PARVA: variants seen among roughly 807,000 people sequenced by gnomAD.
PARVA encodes alpha-parvin.
In PARVA, 25 loss-of-function variants were observed where a neutral mutation model predicts 52.6. The observed-to-expected ratio is 0.48, with a 90% CI of 0.35 to 0.66. PARVA has a LOEUF of 0.66. Ranked by LOEUF, PARVA falls within the 30% of genes least tolerant of loss-of-function variation. The pLI, the probability that PARVA is intolerant of heterozygous loss-of-function variation, is 0.01. For missense variants in PARVA, 373 were observed against 450.9 expected, an observed-to-expected ratio of 0.83 and a Z score of 1.56; for synonymous variants, 185 against 179.1, an observed-to-expected ratio of 1.03 and a Z score of -0.26.
chr11:12,392,449 A>G (rs1939673347), intron 1 of PARVA, among the ~76,000 whole-genome samples: 1 of 152,018 alleles, frequency 6.6e-6, no homozygotes. Context: ...TTGTATTTTT[A>G]GTAGAGACGG....
In PARVA at chr11:12,463,751, TCTG is replaced by T. The variant is rs1226437680; in HGVS notation, c.137-9992_137-9990del. Among the ~76,000 whole-genome samples, 3 of 152,194 alleles carry T rather than the reference TCTG, an allele frequency of 2.0e-5. 1 individual carries two copies. The South Asian group carries it at 6.2e-4, about 31-fold the overall frequency. On this transcript the variant is annotated intron_variant, in intron 1 of 12. Coordinates refer to ENST00000334956, the MANE Select transcript of PARVA (RefSeq NM_018222.5). ...CAGAGGATCTATGAAAATTTGAAAT[TCTG>T]CACAGATTAGTTTCTTCTCTTCCAT...
At chr11:12,516,377 T>A in intron 10 of PARVA, among the ~76,000 whole-genome samples, 1 of 152,156 alleles carries the variant, frequency 6.6e-6, no homozygotes, top group South Asian at 2.1e-4. Flanking sequence ...GACCTCTATG[T>A]CTTTGCTAGG....
intron 1 of PARVA, among the ~76,000 whole-genome samples, chr11:12,401,444 A>T (rs780020922): frequency 1.3e-5 from 2 of 152,148 alleles, no homozygotes; most frequent in Non-Finnish European, 2.9e-5. Context: ...TTTTTTGCCA[A>T]TGGGATCCTG....
chr11:12,448,164 T>C (rs1940573306), intron 1 of PARVA, among the ~76,000 whole-genome samples: 4 of 152,134 alleles, frequency 2.6e-5, no homozygotes, highest in Non-Finnish European at 5.9e-5. Flanking sequence ...AACTCAGAGA[T>C]TTTGGTCGTG....
At position 12,517,584 on chromosome 11, in the gene PARVA, G is replaced by A. The variant is rs1027107883; in HGVS notation, c.868-26G>A. The A allele has an allele frequency of 3.3e-6, 5 of 1,524,644 alleles. No homozygotes were observed. The African/African-American group carries it at 5.5e-5, about 17-fold the overall frequency. The allele number at this position is 1,524,644 out of a possible 1,614,324, so 94.4% of individuals were successfully genotyped here. On this transcript the variant is annotated intron_variant, in intron 10 of 12. Transcript: ENST00000334956. ...GATTGGCTGGGAGGCTCAGGGGCCA[G>A]TGCCATCACCTGGCTCTTCCTCCAG...
Position 12,428,303 on chromosome 11 carries a change from A to G in PARVA, c.137-45442A>G, listed in dbSNP as rs1008531572. 4.6e-5 allele frequency among the ~76,000 whole-genome samples: 7 copies of G among 152,282 alleles called. 1 individual carries two copies. The highest frequency in any genetic ancestry group is 1.7e-4 in the African/African-American group (7 of 41,558). Reference sequence around the variant, plus strand: ...CACTTCAGCTTCCTTTTCCATATAGAGTCTCTCATATGAAAGGAGGGAAGG... The same window carrying G: ...CACTTCAGCTTCCTTTTCCATATAGGGTCTCTCATATGAAAGGAGGGAAGG... On this transcript the variant is annotated intron_variant, in intron 1 of 12. Coordinates refer to ENST00000334956, the MANE Select transcript of PARVA (RefSeq NM_018222.5).
At chr11:12,445,521 G>A (rs1940532199) in intron 1 of PARVA, among the ~76,000 whole-genome samples, 1 of 148,156 alleles carries the variant, frequency 6.7e-6, no homozygotes, top group African/African-American at 2.4e-5. Flanking sequence ...GAAACATGGA[G>A]AGGGGAACAA....
At chr11:12,458,795 G>C (rs1392830729) in intron 1 of PARVA, among the ~76,000 whole-genome samples, 1 of 149,442 alleles carries the variant, frequency 6.7e-6, no homozygotes, top group Non-Finnish European at 1.5e-5. Context: ...TGGAAGTGTG[G>C]AGAGAGAGAA....
rs1241239885 is a variant in PARVA at position 12,534,821 on chromosome 11, TGCCCTTG to T, written c.*6899_*6905del. Among the ~76,000 whole-genome samples the T allele has an allele frequency of 1.3e-5, 2 of 152,254 alleles. No homozygotes were observed. Among genetic ancestry groups the T allele is most frequent in the Non-Finnish European group, 2.9e-5 (2 of 68,050 alleles). ...CGCCTGCCTGGAGAAACACAGTGCC[TGCCCTTG>T]GCAAATATATGTTGGTGTATCTGAA... On this transcript the variant is annotated 3_prime_UTR_variant, in exon 13 of 13. Transcript: ENST00000334956.
intron 8 of PARVA, 33 bp from the exon 9 acceptor site, chr11:12,513,266 T>A (rs1442911597): frequency 6.2e-7 from 1 of 1,608,712 alleles, no homozygotes; most frequent in African/African-American, 1.3e-5. Context: ...GGATCAGCTC[T>A]TGTGCTCCAC....
chr11:12,526,759 G>A (rs768701036), intron 12 of PARVA, among the ~76,000 whole-genome samples: 11 of 151,884 alleles, frequency 7.2e-5, no homozygotes, highest in South Asian at 2.1e-4. Flanking sequence ...AATAGTAGAC[G>A]GAGTTCCATT....
chr11:12,421,574 GC>G (rs752062970), intron 1 of PARVA, among the ~76,000 whole-genome samples: 12 of 152,202 alleles, frequency 7.9e-5, no homozygotes, highest in Non-Finnish European at 1.6e-4. Flanking sequence ...TCTGTCAGCT[GC>G]CCACATGGTG....
chr11:12,508,008 G>A (rs1036560482), intron 6 of PARVA, among the ~76,000 whole-genome samples: 1 of 139,760 alleles, frequency 7.2e-6, no homozygotes, highest in African/African-American at 2.6e-5. Flanking sequence ...GGACGGACGA[G>A]TTTCTAACAT....
At chr11:12,473,301 G>A (rs1409754851) in intron 1 of PARVA, among the ~76,000 whole-genome samples, 2 of 152,154 alleles carry the variant, frequency 1.3e-5, no homozygotes, top group South Asian at 2.1e-4. Context: ...GTTGAACGGA[G>A]GATGGAAATG....
At chr11:12,415,979 G>A (rs4450154) in intron 1 of PARVA, among the ~76,000 whole-genome samples, 37,884 of 152,096 alleles carry the variant, frequency 0.25, 6,300 homozygotes, top group African/African-American at 0.47. Flanking sequence ...TTGCCTTATT[G>A]GGGGCAGAAA....
chr11:12,512,878 C>T (rs1941520144), intron 8 of PARVA, among the ~76,000 whole-genome samples: 1 of 152,192 alleles, frequency 6.6e-6, no homozygotes. Flanking sequence ...CCTCTGCCAG[C>T]TTGTTTGTCA....
intron 1 of PARVA, among the ~76,000 whole-genome samples, chr11:12,389,804 A>G (rs1939631290): frequency 6.6e-6 from 1 of 152,196 alleles, no homozygotes; most frequent in African/African-American, 2.4e-5. Flanking sequence ...GATCTGAGCC[A>G]GTTAGAGCAC....
chr11:12,396,482 T>G (rs574034822), intron 1 of PARVA, among the ~76,000 whole-genome samples: 1 of 152,218 alleles, frequency 6.6e-6, no homozygotes, highest in Admixed American at 6.5e-5. Context: ...CTGTGTCACC[T>G]GGGACAGGTT....
chr11:12,462,193 C>G (rs922542725), intron 1 of PARVA, among the ~76,000 whole-genome samples: 1 of 152,192 alleles, frequency 6.6e-6, no homozygotes, highest in Non-Finnish European at 1.5e-5. Context: ...AGAATAATCA[C>G]TCTCCCAAAG....
Sources: gnomAD v4.1 joint callset for allele counts (sites outside exome capture counted in the v4.1 genomes callset) on GRCh38, gnomAD v4.1.1 for gene constraint, MANE v1.5 for transcripts, NCBI Gene and HGNC (gene_info 2026-07-23, HGNC 2026-07-21) for gene names.